Variants in ZNF512B observed in about 807,000 individuals in gnomAD.
The protein encoded by ZNF512B is zinc finger protein 512B.
Under a neutral mutation model 87.8 loss-of-function variants are expected in ZNF512B, and 22 were observed. The observed-to-expected ratio is 0.25, with a 90% CI of 0.18 to 0.36. The LOEUF (loss-of-function observed/expected upper bound fraction) is 0.36. Ranked by LOEUF, ZNF512B falls within the 10% of genes least tolerant of loss-of-function variation. ZNF512B has a pLI of 1.00. For synonymous variants in ZNF512B, 524 were observed against 490.9 expected (o/e 1.07, Z -0.89); for missense variants, 1,060 against 1,231.6 (o/e 0.86, Z 2.09).
Position 63,957,791 on chromosome 20 carries a change from A to G in ZNF512B, c.*2097T>C, listed in dbSNP as rs1555910924. The G allele has an allele frequency of 6.6e-6, 1 of 152,184 alleles. No individual in the cohort carries two copies. The highest frequency in any genetic ancestry group is 1.5e-5 in the Non-Finnish European group (1 of 68,078). 9.4% of individuals were successfully genotyped at this position (152,184 alleles called of 1,614,324 possible). Reference sequence around the variant, plus strand: ...CTCCCGCCATTGGTGGCAAGGACAAAGTGCACCTAGGCCCCCGCCCAGTGC... The same window carrying G: ...CTCCCGCCATTGGTGGCAAGGACAAGGTGCACCTAGGCCCCCGCCCAGTGC... On this transcript the variant is annotated 3_prime_UTR_variant, in exon 17 of 17. Transcript: ENST00000369888.
Position 63,958,683 on chromosome 20 carries a change from C to A in ZNF512B, c.*1205G>T, listed in dbSNP as rs2058820238. The A allele has an allele frequency of 6.6e-6, 1 of 152,318 alleles. No homozygotes were observed. Among genetic ancestry groups the A allele is most frequent in the Non-Finnish European group, 1.5e-5 (1 of 68,114 alleles). 9.4% of individuals were successfully genotyped at this position (152,318 alleles called of 1,614,324 possible). ...GACTCCCTGCCTGACCCCTGCCCTA[C>A]CTATAGACCCAGCCGTCCTCAGGGC... On this transcript the variant is annotated 3_prime_UTR_variant, in exon 17 of 17. Transcript: ENST00000369888.
In ZNF512B at chr20:63,958,791, T is replaced by A. The variant is rs938042807; in HGVS notation, c.*1097A>T. On this transcript the variant is annotated 3_prime_UTR_variant, in exon 17 of 17. Coordinates refer to ENST00000369888, the MANE Select transcript of ZNF512B (RefSeq NM_020713.3). ...GCCCCTCCCCTGGCTGGCCTTCAGT[T>A]CCCATATCAAATGACCACACAACCA... 5.2e-5 allele frequency: 8 copies of A among 152,406 alleles called. No individual in the cohort carries two copies. The highest frequency in any genetic ancestry group is 5.2e-4 in the Admixed American group (8 of 15,292). The allele number at this position is 152,406 out of a possible 1,614,324, so 9.4% of individuals were successfully genotyped here.
rs1331118911 is a variant in ZNF512B at position 63,967,972 on chromosome 20, T to C, written c.-2-20A>G. On this transcript the variant is annotated intron_variant, in intron 1 of 16. Coordinates refer to ENST00000369888, the MANE Select transcript of ZNF512B (RefSeq NM_020713.3). ...TCATCTCTGCAGAGCAAGTAGACAA[T>C]CTGTGAAGCCTGACGGGCCCCACTT... The C allele has an allele frequency of 1.3e-6, 2 of 1,592,920 alleles. No individual in the cohort carries two copies. The highest frequency in any genetic ancestry group is 1.7e-6 in the Non-Finnish European group (2 of 1,165,130).
Position 63,966,785 on chromosome 20 carries a change from G to A in ZNF512B, c.394-4C>T. ...CCAGGCGATCTGAGATGGCACCCTG[G>A]GCAGGGAAGGGAAGGTTTGGGACAG... On this transcript the variant is annotated splice_region_variant and splice_polypyrimidine_tract_variant and intron_variant, in intron 4 of 16. Transcript: ENST00000369888. 1 of 1,599,160 alleles carries A rather than the reference G, an allele frequency of 6.3e-7. No individual in the cohort carries two copies. The highest frequency in any genetic ancestry group is 8.5e-7 in the Non-Finnish European group (1 of 1,172,400).
Position 63,961,188 on chromosome 20 carries a change from A to G in ZNF512B, c.2427+121T>C. Reference sequence around the variant, plus strand: ...ACTACCAGATTTCTCCACATTGGCCACTCTCCCAGGCACACCCCATGCAGG... The same window carrying G: ...ACTACCAGATTTCTCCACATTGGCCGCTCTCCCAGGCACACCCCATGCAGG... On this transcript the variant is annotated intron_variant, in intron 16 of 16. Transcript: ENST00000369888. This position sits in a 1 kb window ranked among gnomAD's most constrained non-coding sequence, Gnocchi z 6.4. The G allele has an allele frequency of 8.3e-6, 7 of 847,836 alleles. No homozygotes were observed. Among genetic ancestry groups the G allele is most frequent in the Non-Finnish European group, 1.1e-5 (6 of 529,576 alleles). 52.5% of individuals were successfully genotyped at this position (847,836 alleles called of 1,614,324 possible). A position where few individuals can be genotyped will look rare whatever the true frequency, so the allele number is the denominator to read the frequency against.
intron 1 of ZNF512B, chr20:63,969,262 A>G (rs762251466): frequency 1.5e-5 from 13 of 895,920 alleles, no homozygotes; most frequent in Non-Finnish European, 1.7e-5. Flanking sequence ...AATTCAGAAT[A>G]GTGGGGCCTG....
chr20:63,961,301 C>T lies in ZNF512B; in HGVS notation c.2427+8G>A, dbSNP rs2058847862. 1 of 1,611,528 alleles carries T rather than the reference C, an allele frequency of 6.2e-7. No individual in the cohort carries two copies. Among genetic ancestry groups the T allele is most frequent in the Non-Finnish European group, 8.5e-7 (1 of 1,179,792 alleles). ...CCCAGCCACAGGCCCTGGTGATGGC[C>T]CTCGCACCTCTGCGTGGGTCTTCAG... On this transcript the variant is annotated splice_region_variant and intron_variant, in intron 16 of 16. Coordinates refer to ENST00000369888, the MANE Select transcript of ZNF512B (RefSeq NM_020713.3). This position sits in a 1 kb window ranked among gnomAD's most constrained non-coding sequence, Gnocchi z 6.4.
At chr20:63,962,808 A>G in intron 12 of ZNF512B, 27 bp from the exon 13 acceptor site, 1 of 1,564,466 alleles carries the variant, frequency 6.4e-7, no homozygotes, top group Non-Finnish European at 8.7e-7. Context: ...CATGGAGGCT[A>G]GAGTGAGCCG....
At position 63,964,581 on chromosome 20, in the gene ZNF512B, C is replaced by A. The variant is rs777384963; in HGVS notation, c.1170G>T (p.Ser390=). 4.3e-6 allele frequency: 7 copies of A among 1,613,156 alleles called. No individual in the cohort carries two copies. The East Asian group carries it at 1.1e-4, about 26-fold the overall frequency. Reference sequence around the variant, plus strand: ...TGCCCCCTGACGGCCTGCTGCCTGGCGACAAGGAGCCACTGCTGGTGTCTG... The same window carrying A: ...TGCCCCCTGACGGCCTGCTGCCTGGAGACAAGGAGCCACTGCTGGTGTCTG... The part of the protein sequence containing the change: ...LSADTSSGSL[S]PGSRPSGGME... Residue 390 remains serine, a synonymous_variant, in exon 6 of 17, where the codon TCG becomes TCT. Coordinates refer to ENST00000369888, the MANE Select transcript of ZNF512B (RefSeq NM_020713.3).
chr20:63,959,596 C>A lies in ZNF512B; in HGVS notation c.*292G>T. 2.3e-6 allele frequency: 1 copy of A among 440,954 alleles called. No homozygotes were observed. The allele number at this position is 440,954 out of a possible 1,614,324, so 27.3% of individuals were successfully genotyped here. On this transcript the variant is annotated 3_prime_UTR_variant, in exon 17 of 17. Transcript: ENST00000369888. ...CCATCTGCCTACTCTGCGCTGCAGC[C>A]CCTGTGGCACCAAGACCCCAGACAC...
At chr20:63,969,084 G>C in intron 1 of ZNF512B, 2 of 984,042 alleles carry the variant, frequency 2.0e-6, no homozygotes, top group Non-Finnish European at 2.4e-6. Flanking sequence ...CCATTGCCAA[G>C]GGGGAGGCCA....
chr20:63,959,703 T>C lies in ZNF512B; in HGVS notation c.*185A>G. ...GGGGAGCCCCAACCCAGGTGTGCCCTGTGGCAGCCTTAACAGGGGAAGGGC... is the reference window on the plus strand; with the variant it reads ...GGGGAGCCCCAACCCAGGTGTGCCCCGTGGCAGCCTTAACAGGGGAAGGGC... On this transcript the variant is annotated 3_prime_UTR_variant, in exon 17 of 17. Coordinates refer to ENST00000369888, the MANE Select transcript of ZNF512B (RefSeq NM_020713.3). The C allele has an allele frequency of 1.1e-6, 1 of 908,488 alleles. No individual in the cohort carries two copies. The highest frequency in any genetic ancestry group is 1.6e-6 in the Non-Finnish European group (1 of 627,432). 56.3% of individuals were successfully genotyped at this position (908,488 alleles called of 1,614,324 possible).
At position 63,967,009 on chromosome 20, in the gene ZNF512B, G is replaced by C; in HGVS notation, c.265-5C>G. 1 of 1,613,270 alleles carries C rather than the reference G, an allele frequency of 6.2e-7. No homozygotes were observed. The highest frequency in any genetic ancestry group is 8.5e-7 in the Non-Finnish European group (1 of 1,180,010). The stretch of plus-strand genomic sequence containing the variant: ...CCAGTCGTTCATCAGGGAGAGCTAG[G>C]CGTGGGGAAAGGTGGTGCTGCTGAC... On this transcript the variant is annotated splice_region_variant and splice_polypyrimidine_tract_variant and intron_variant, in intron 3 of 16. Coordinates refer to ENST00000369888, the MANE Select transcript of ZNF512B (RefSeq NM_020713.3).
At chr20:63,967,621 G>C in intron 2 of ZNF512B, 98 bp from the exon 3 acceptor site, 1 of 1,495,492 alleles carries the variant, frequency 6.7e-7, no homozygotes, top group East Asian at 2.3e-5. Flanking sequence ...CCCAACACGA[G>C]GGCACCGGGG....
intron 14 of ZNF512B, 87 bp from the exon 15 acceptor site, chr20:63,962,091 G>A: frequency 6.9e-7 from 1 of 1,450,882 alleles, no homozygotes; most frequent in Non-Finnish European, 9.4e-7. Flanking sequence ...GGATCTCTGA[G>A]GCTCTTTGGG....
At chr20:63,964,008 C>G in intron 8 of ZNF512B, 63 bp downstream of exon 8, 1 of 1,594,248 alleles carries the variant, frequency 6.3e-7, no homozygotes, top group Non-Finnish European at 8.5e-7. Flanking sequence ...AGCCCCCATC[C>G]CTGTGCTGTG....
chr20:63,962,739 G>C lies in ZNF512B; in HGVS notation c.2011C>G (p.Pro671Ala). 6.2e-7 allele frequency: 1 copy of C among 1,603,592 alleles called. No individual in the cohort carries two copies. Among genetic ancestry groups the C allele is most frequent in the Non-Finnish European group, 8.5e-7 (1 of 1,176,290 alleles). The part of the protein sequence containing the change: ...PTDKSPEAED[P>A]LGVERTPSGR... Reference sequence around the variant, plus strand: ...CTTGGGGTCCGCTCCACACCCAGCGGGTCCTCAGCCTCAGGGGACTTGTCT... The same window carrying C: ...CTTGGGGTCCGCTCCACACCCAGCGCGTCCTCAGCCTCAGGGGACTTGTCT... Residue 671 changes from proline (P) to alanine (A), a missense_variant, in exon 13 of 17, where the codon CCG becomes GCG. This residue lies in a region of ZNF512B where 165 missense variants were observed against 173.0 expected (regional missense o/e 0.95). Coordinates refer to ENST00000369888, the MANE Select transcript of ZNF512B (RefSeq NM_020713.3).
rs1569197507 is a variant in ZNF512B, at chr20:63,964,599, G to T, written c.1152C>A (p.Thr384=). Residue 384 remains threonine (T), a synonymous_variant, in exon 6 of 17, where the codon ACC becomes ACA. Coordinates refer to ENST00000369888, the MANE Select transcript of ZNF512B (RefSeq NM_020713.3). ...QSSAFQLSAD[T]SSGSLSPGSR... ...TGCCTGGCGACAAGGAGCCACTGCT[G>T]GTGTCTGCACTCAGCTGGAAGGCCG... 1.2e-6 allele frequency: 2 copies of T among 1,613,282 alleles called. No individual in the cohort carries two copies. The highest frequency in any genetic ancestry group is 1.7e-6 in the Non-Finnish European group (2 of 1,179,992).
In ZNF512B at chr20:63,967,465, G is replaced by T. The variant is rs201905203; in HGVS notation, c.180C>A (p.Asp60Glu). 8 of 1,612,964 alleles carry T rather than the reference G, an allele frequency of 5.0e-6. No homozygotes were observed. The East Asian group carries it at 1.8e-4, about 36-fold the overall frequency. Residue 60 changes from aspartate to glutamate, a missense_variant, in exon 3 of 17, where the codon GAC becomes GAA. Asp to Glu is a conservative substitution (Grantham distance 45). Coordinates refer to ENST00000369888, the MANE Select transcript of ZNF512B (RefSeq NM_020713.3). ...TVPGQAPLCF[D>E]PGSPASDKTE... Reference sequence around the variant, plus strand: ...TCTTGTCACTGGCTGGACTTCCCGGGTCAAAGCAGAGAGGGGCCTGGCCGG... The same window carrying T: ...TCTTGTCACTGGCTGGACTTCCCGGTTCAAAGCAGAGAGGGGCCTGGCCGG...
Sources: allele counts gnomAD v4.1 joint callset, GRCh38; gene constraint gnomAD v4.1.1; regional missense constraint gnomAD v4.1.1; non-coding constraint Gnocchi (gnomAD v3.1); transcripts MANE v1.5; gene names NCBI Gene and HGNC (gene_info 2026-07-23, HGNC 2026-07-21).